The following ROBO2 variants were observed in gnomAD, a reference collection of about 807,000 sequenced individuals.
The protein encoded by ROBO2 is roundabout homolog 2.
A neutral mutation model predicts 160.8 loss-of-function variants in ROBO2; 53 were observed. That is an observed-to-expected ratio of 0.33 (90% CI 0.26 to 0.41). The LOEUF (loss-of-function observed/expected upper bound fraction) is 0.41. Ranked by LOEUF, ROBO2 falls within the 10% of genes least tolerant of loss-of-function variation. ROBO2 has a pLI of 1.00. For synonymous variants in ROBO2, 664 were observed against 611.7 expected, an observed-to-expected ratio of 1.09 and a Z score of -1.26; for missense variants, 1,577 against 1,722.4, an observed-to-expected ratio of 0.92 and a Z score of 1.49.
chr3:76,622,256 A>C (rs538186910), intron 2 of ROBO2, among the ~76,000 whole-genome samples: 1 of 66,796 alleles, frequency 1.5e-5, no homozygotes, highest in African/African-American at 6.0e-5. Context: ...GAAAGAAAGA[A>C]AGAAAGAAAG....
chr3:77,411,429 A>C (rs1304584299), intron 2 of ROBO2, among the ~76,000 whole-genome samples: 2 of 152,198 alleles, frequency 1.3e-5, no homozygotes, highest in Admixed American at 1.3e-4. Flanking sequence ...ATATGTGTCA[A>C]CTTTTGCATT....
rs59350425 is a variant in ROBO2 at position 76,555,437 on chromosome 3, GGGAAGA to G, written c.110-542556_110-542551del. On this transcript the variant is annotated intron_variant, in intron 2 of 26. Transcript: ENST00000487694. The stretch of plus-strand genomic sequence containing the variant: ...AAGAAGAAAGAAGGAGAAGGGGAAG[GGGAAGA>G]GGAAGAGGAAGAGGAAGAGGGAAAA... 3.6e-3 allele frequency among the ~76,000 whole-genome samples: 191 copies of G among 52,484 alleles called. 4 individuals carry two copies. The highest frequency in any genetic ancestry group is 0.022 in the East Asian group (23 of 1,056). 34.4% of individuals were successfully genotyped at this position (52,484 alleles called of 152,430 possible).
At chr3:77,418,420 A>T (rs1440428012) in intron 2 of ROBO2, among the ~76,000 whole-genome samples, 1 of 152,166 alleles carries the variant, frequency 6.6e-6, no homozygotes, top group Non-Finnish European at 1.5e-5. Context: ...TTTTTAAATT[A>T]ATCATGGCTC....
chr3:76,734,735 CA>C (rs1164697591), intron 2 of ROBO2, among the ~76,000 whole-genome samples: 1 of 152,166 alleles, frequency 6.6e-6, no homozygotes, highest in African/African-American at 2.4e-5. Flanking sequence ...TAGGGACTAG[CA>C]TTTGGCAGTT....
intron 5 of ROBO2, among the ~76,000 whole-genome samples, chr3:77,515,116 T>A (rs991309383): frequency 2.0e-5 from 3 of 151,882 alleles, no homozygotes; most frequent in African/African-American, 7.2e-5. Context: ...AGTCTTTATA[T>A]TTCTTAAGCT....
intron 2 of ROBO2, among the ~76,000 whole-genome samples, chr3:76,675,930 A>C (rs2092396356): frequency 6.6e-6 from 1 of 152,128 alleles, no homozygotes; most frequent in African/African-American, 2.4e-5. Context: ...AAGTATACTA[A>C]GATTTTTTTT....
intron 2 of ROBO2, among the ~76,000 whole-genome samples, chr3:76,251,571 A>G (rs899650402): frequency 2.6e-5 from 4 of 152,148 alleles, no homozygotes; most frequent in Non-Finnish European, 4.4e-5. Flanking sequence ...TTTCATGTAA[A>G]TACTTCCAAA....
At chr3:77,343,221 T>A (rs2067262832) in intron 2 of ROBO2, among the ~76,000 whole-genome samples, 1 of 152,098 alleles carries the variant, frequency 6.6e-6, no homozygotes, top group Non-Finnish European at 1.5e-5. Context: ...TTTGAGAGAA[T>A]ATAGTTCAGT....
chr3:76,011,474 A>G (rs937776161), intron 2 of ROBO2, among the ~76,000 whole-genome samples: 3 of 152,324 alleles, frequency 2.0e-5, no homozygotes, highest in East Asian at 3.9e-4. Context: ...GAATCCGGCC[A>G]CATCCCCTTT....
intron 2 of ROBO2, among the ~76,000 whole-genome samples, chr3:76,263,246 G>C (rs1431976451): frequency 6.6e-6 from 1 of 151,652 alleles, no homozygotes; most frequent in Admixed American, 6.6e-5. Context: ...CCTTTTTTTT[G>C]GGGAAGGGTC....
rs537203792 is a variant in ROBO2, at chr3:75,997,887, C to G, written c.109+60285C>G. Among the ~76,000 whole-genome samples, 6 of 152,196 alleles carry G rather than the reference C, an allele frequency of 3.9e-5. No homozygotes were observed. In the East Asian group the frequency reaches 1.2e-3, roughly 29 times the overall value. On this transcript the variant is annotated intron_variant, in intron 2 of 26. Coordinates refer to the ROBO2 transcript ENST00000487694. ...CATAACTGTGGAGTCTACCCAGTAA[C>G]CAATATCTGTAATGGTATTAAGTAC...
At chr3:77,609,125 CTA>C (rs1384973976) in intron 21 of ROBO2, among the ~76,000 whole-genome samples, 3 of 151,688 alleles carry the variant, frequency 2.0e-5, no homozygotes, top group African/African-American at 7.2e-5. Flanking sequence ...TATTTTTTGT[CTA>C]TGTCTTCCTT....
intron 5 of ROBO2, among the ~76,000 whole-genome samples, chr3:77,516,321 C>A (rs1179539902): frequency 6.6e-6 from 1 of 151,452 alleles, no homozygotes; most frequent in African/African-American, 2.4e-5. Context: ...AATAGCTTCC[C>A]ACTTTACCTA....
chr3:77,123,920 T>TC (rs371113586), intron 2 of ROBO2, among the ~76,000 whole-genome samples: 1 of 129,190 alleles, frequency 7.7e-6, no homozygotes. Context: ...GATATATAGA[T>TC]TATCTATATA....
chr3:76,830,661 A>G (rs2067000974), intron 2 of ROBO2, among the ~76,000 whole-genome samples: 1 of 151,710 alleles, frequency 6.6e-6, no homozygotes, highest in South Asian at 2.1e-4. Flanking sequence ...TATTCTACGT[A>G]TATTTCAAAA....
intron 12 of ROBO2, among the ~76,000 whole-genome samples, chr3:77,566,652 C>T (rs2093490644): frequency 6.6e-6 from 1 of 151,996 alleles, no homozygotes. Context: ...ATGCTAGTCA[C>T]TAAATCTTGA....
intron 2 of ROBO2, among the ~76,000 whole-genome samples, chr3:77,429,447 C>T (rs928869706): frequency 6.6e-6 from 1 of 152,072 alleles, no homozygotes; most frequent in Non-Finnish European, 1.5e-5. Flanking sequence ...ATTGGAAATT[C>T]TTCCTTTATG....
intron 2 of ROBO2, among the ~76,000 whole-genome samples, chr3:76,915,431 C>T (rs1004967809): frequency 4.6e-5 from 7 of 151,982 alleles, no homozygotes; most frequent in African/African-American, 9.7e-5. Flanking sequence ...GAGGCCAAGG[C>T]GGGTGGATCA....
intron 2 of ROBO2, among the ~76,000 whole-genome samples, chr3:76,090,061 A>G (rs1284684613): frequency 6.6e-6 from 1 of 152,194 alleles, no homozygotes; most frequent in Non-Finnish European, 1.5e-5. Flanking sequence ...TTACAAACAC[A>G]CTAACATTTA....
Sources: gnomAD v4.1 joint callset for allele counts (sites outside exome capture counted in the v4.1 genomes callset) on GRCh38, gnomAD v4.1.1 for gene constraint, MANE v1.5 for transcripts, NCBI Gene and HGNC (gene_info 2026-07-23, HGNC 2026-07-21) for gene names.